TRPS1: variants seen among roughly 807,000 people sequenced by gnomAD.
TRPS1 encodes zinc finger transcription factor Trps1.
Under a neutral mutation model 101.2 loss-of-function variants are expected in TRPS1, and 6 were observed. The ratio of observed to expected loss-of-function variants is 0.06; its 90% CI spans 0.03 to 0.12. The LOEUF (loss-of-function observed/expected upper bound fraction) is 0.12. TRPS1 is among the 10% of genes least tolerant of loss of function. The pLI is 1.00. For missense variants in TRPS1, 1,363 were observed against 1,567.0 expected (o/e 0.87, Z 2.20); for synonymous variants, 578 against 589.8 (o/e 0.98, Z 0.29).
At chr8:115,555,376 C>T (rs201052880) in intron 5 of TRPS1, among the ~76,000 whole-genome samples, 1 of 20,372 alleles carries the variant, frequency 4.9e-5, no homozygotes, top group Non-Finnish European at 8.0e-5. Flanking sequence ...TTTCTCACTT[C>T]CAACATCAAG....
At chr8:115,575,630 C>T (rs898084897) in intron 5 of TRPS1, among the ~76,000 whole-genome samples, 2 of 152,036 alleles carry the variant, frequency 1.3e-5, no homozygotes, top group Non-Finnish European at 2.9e-5. Context: ...TAATCCCTAG[C>T]CTCACCCTAG....
intron 5 of TRPS1, among the ~76,000 whole-genome samples, chr8:115,561,625 C>T (rs538390761): frequency 3.3e-5 from 5 of 151,972 alleles, no homozygotes; most frequent in Non-Finnish European, 5.9e-5. Context: ...ATAAATTGAA[C>T]GAAACCTGCT....
chr8:115,557,643 A>T (rs1254625417), intron 5 of TRPS1, among the ~76,000 whole-genome samples: 1 of 152,128 alleles, frequency 6.6e-6, no homozygotes, highest in Non-Finnish European at 1.5e-5. Context: ...CCATGATTAT[A>T]AGTTGCCTAA....
chr8:115,495,282 C>G (rs922248651), intron 5 of TRPS1, among the ~76,000 whole-genome samples: 7 of 152,018 alleles, frequency 4.6e-5, no homozygotes, highest in Non-Finnish European at 8.8e-5. Flanking sequence ...TGATGCAACT[C>G]TGTATTACCA....
rs142081492 is a variant in TRPS1 at position 115,429,957 on chromosome 8, GA to G, written c.2701-11506del. Among the ~76,000 whole-genome samples the G allele has an allele frequency of 9.7e-3, 1,478 of 151,888 alleles. 32 individuals are homozygous for G. Among genetic ancestry groups the G allele is most frequent in the African/African-American group, 0.034 (1,417 of 41,458 alleles). On this transcript the variant is annotated intron_variant, in intron 5 of 6. Coordinates refer to ENST00000395715, the MANE Select transcript of TRPS1 (RefSeq NM_014112.5). ...GTAATATAGATTTTTTAAAGGAAAA[GA>G]AAAAAATTACCAAGCTCTTAAAGAT...
intron 5 of TRPS1, among the ~76,000 whole-genome samples, chr8:115,544,964 T>C (rs1816537419): frequency 6.6e-6 from 1 of 152,194 alleles, no homozygotes; most frequent in Non-Finnish European, 1.5e-5. Flanking sequence ...AATACAATCA[T>C]TTAAAAATGC....
At chr8:115,495,809 A>C (rs1815135497) in intron 5 of TRPS1, among the ~76,000 whole-genome samples, 1 of 152,208 alleles carries the variant, frequency 6.6e-6, no homozygotes, top group South Asian at 2.1e-4. Context: ...GATTTTAATG[A>C]GCTTATCATA....
chr8:115,607,823 C>T (rs1335421682), intron 3 of TRPS1, among the ~76,000 whole-genome samples: 1 of 152,016 alleles, frequency 6.6e-6, no homozygotes, highest in Non-Finnish European at 1.5e-5. Context: ...GGTAGATGTA[C>T]ACTCAAGTCA....
intron 5 of TRPS1, among the ~76,000 whole-genome samples, chr8:115,553,864 T>C (rs906179633): frequency 5.9e-5 from 9 of 152,130 alleles, no homozygotes; most frequent in African/African-American, 1.7e-4. Flanking sequence ...TGATTATAAA[T>C]AGAGAATATG....
chr8:115,585,141 G>A (rs1459698614), intron 5 of TRPS1, among the ~76,000 whole-genome samples: 2 of 152,250 alleles, frequency 1.3e-5, no homozygotes. Context: ...CTTGTTTAAG[G>A]TTTCCTACTT....
intron 1 of TRPS1, among the ~76,000 whole-genome samples, chr8:115,643,741 T>C (rs1818953756): frequency 6.6e-6 from 1 of 152,228 alleles, no homozygotes; most frequent in Non-Finnish European, 1.5e-5. Context: ...GTATCTCAAA[T>C]GATGTATCCT....
At chr8:115,575,777 G>C (rs992889885) in intron 5 of TRPS1, among the ~76,000 whole-genome samples, 1 of 152,024 alleles carries the variant, frequency 6.6e-6, no homozygotes, top group Non-Finnish European at 1.5e-5. Context: ...ACAAAGATAG[G>C]TTTATAGTTT....
rs1812824737 is a variant in TRPS1, at chr8:115,412,966, C to T, written c.*1057G>A. On this transcript the variant is annotated 3_prime_UTR_variant, in exon 7 of 7. Coordinates refer to ENST00000395715, the MANE Select transcript of TRPS1 (RefSeq NM_014112.5). ...CAACTGTCAGTCTGTGGTAACGTAA[C>T]CTTAGACGCTGCCTGACCACAAAGT... is the stretch of plus-strand genomic sequence containing the variant. 1 of 152,404 alleles carries T rather than the reference C, an allele frequency of 6.6e-6. No individual in the cohort carries two copies. Among genetic ancestry groups the T allele is most frequent in the African/African-American group, 2.4e-5 (1 of 41,400 alleles). The allele number at this position is 152,404 out of a possible 1,614,324, so 9.4% of individuals were successfully genotyped here.
intron 5 of TRPS1, among the ~76,000 whole-genome samples, chr8:115,500,118 C>T (rs768840878): frequency 2.0e-5 from 3 of 152,034 alleles, no homozygotes; most frequent in Admixed American, 2.0e-4. Flanking sequence ...GAACCTTTGC[C>T]TCCCAGGTTT....
chr8:115,575,929 C>T (rs916226865), intron 5 of TRPS1, among the ~76,000 whole-genome samples: 2 of 152,046 alleles, frequency 1.3e-5, no homozygotes, highest in Non-Finnish European at 2.9e-5. Context: ...ATTTGCACCC[C>T]ACCTACTAAA....
intron 5 of TRPS1, among the ~76,000 whole-genome samples, chr8:115,478,426 T>C (rs918355130): frequency 6.6e-6 from 1 of 152,210 alleles, no homozygotes; most frequent in East Asian, 1.9e-4. Context: ...TAACATTGTT[T>C]GATTTCCCCA....
intron 5 of TRPS1, among the ~76,000 whole-genome samples, chr8:115,455,313 T>C (rs924459091): frequency 3.3e-5 from 5 of 152,256 alleles, no homozygotes; most frequent in East Asian, 1.9e-4. Flanking sequence ...TATTTAGTAA[T>C]AGGAGTTCAC....
intron 3 of TRPS1, among the ~76,000 whole-genome samples, chr8:115,608,363 G>A (rs925477433): frequency 1.3e-5 from 2 of 152,038 alleles, no homozygotes; most frequent in South Asian, 2.1e-4. Context: ...CTAAGTGTTC[G>A]GCTTGTGTCA....
At chr8:115,518,300 C>T (rs1256743624) in intron 5 of TRPS1, among the ~76,000 whole-genome samples, 1 of 151,732 alleles carries the variant, frequency 6.6e-6, no homozygotes, top group African/African-American at 2.4e-5. Flanking sequence ...AAAAAATACA[C>T]TTTTATTATT....
Sources: gnomAD v4.1 joint callset for allele counts (sites outside exome capture counted in the v4.1 genomes callset) on GRCh38, gnomAD v4.1.1 for gene constraint, MANE v1.5 for transcripts, NCBI Gene and HGNC (gene_info 2026-07-23, HGNC 2026-07-21) for gene names.